BICC1: variants seen among roughly 807,000 people sequenced by gnomAD.
The protein encoded by BICC1 is BicC family RNA binding protein 1, also known as protein bicaudal C homolog 1.
A neutral mutation model predicts 111.0 loss-of-function variants in BICC1; 43 were observed. The observed-to-expected ratio is 0.39, with a 90% confidence interval of 0.30 to 0.50. The LOEUF is 0.50. BICC1 is among the 20% of genes least tolerant of loss of function. The probability of loss-of-function intolerance (pLI) is 0.88; values close to 1 mark genes in which losing one functional copy is unlikely to be tolerated. For missense variants in BICC1, 1,091 were observed against 1,203.2 expected (o/e 0.91, Z 1.38); for synonymous variants, 467 against 434.4 (o/e 1.07, Z -0.93).
At chr10:58,707,494 A>G (rs1296390108) in intron 3 of BICC1, among the ~76,000 whole-genome samples, 1 of 152,098 alleles carries the variant, frequency 6.6e-6, no homozygotes, top group Non-Finnish European at 1.5e-5. Context: ...TAGGTTAAAA[A>G]AAAATAGAGT....
intron 2 of BICC1, among the ~76,000 whole-genome samples, chr10:58,670,419 C>T (rs887628079): frequency 6.6e-6 from 1 of 152,084 alleles, no homozygotes; most frequent in African/African-American, 2.4e-5. Flanking sequence ...CATTATCATC[C>T]TACGCCTTCC....
intron 3 of BICC1, among the ~76,000 whole-genome samples, chr10:58,763,479 A>G (rs964803137): frequency 6.6e-6 from 1 of 152,188 alleles, no homozygotes. Context: ...AGGAATTACT[A>G]TATTTGAAGG....
chr10:58,784,471 A>G (rs1423469064), intron 3 of BICC1, among the ~76,000 whole-genome samples: 1 of 152,178 alleles, frequency 6.6e-6, no homozygotes, highest in Non-Finnish European at 1.5e-5. Flanking sequence ...AAATGAAGTT[A>G]TTGCATAAAG....
chr10:58,680,258 C>T (rs1378739956), intron 2 of BICC1, among the ~76,000 whole-genome samples: 1 of 151,484 alleles, frequency 6.6e-6, no homozygotes, highest in African/African-American at 2.4e-5. Context: ...AGATGACATG[C>T]CTGTATATGT....
At chr10:58,756,626 CTTTTTTTTTTTTTTTTTTTTTT>C (rs66709538) in intron 3 of BICC1, among the ~76,000 whole-genome samples, 98 of 135,870 alleles carry the variant, frequency 7.2e-4, no homozygotes, top group Middle Eastern at 3.8e-3. Flanking sequence ...AACTACTAGC[CTTTTTTTTTTTTTTTTTTTTTT>C]TTTTTTTTTT....
chr10:58,823,953 A>ATTT, intron 20 of BICC1: 1 of 985,384 alleles, frequency 1.0e-6, no homozygotes, highest in Non-Finnish European at 1.2e-6. Context: ...GGAACTTGAA[A>ATTT]CAACAGCCAT....
chr10:58,517,655 G>C (rs1376904225), intron 1 of BICC1, among the ~76,000 whole-genome samples: 1 of 152,022 alleles, frequency 6.6e-6, no homozygotes, highest in East Asian at 1.9e-4. Context: ...AATAGCACAG[G>C]GCTGTGGGCC....
chr10:58,657,727 T>C (rs1235646122), intron 2 of BICC1, among the ~76,000 whole-genome samples: 1 of 152,216 alleles, frequency 6.6e-6, no homozygotes, highest in African/African-American at 2.4e-5. Flanking sequence ...CTTTTGAATT[T>C]GCTTTTAACT....
rs1842710347 is a variant in BICC1 at position 58,774,949 on chromosome 10, A to G, written c.308-10052A>G. Among the ~76,000 whole-genome samples, 3 of 152,344 alleles carry G rather than the reference A, an allele frequency of 2.0e-5. No homozygotes were observed. The South Asian group carries it at 6.2e-4, about 32-fold the overall frequency. Reference sequence around the variant, plus strand: ...GTATGGGAAGAAATTTCAGAAGATCATCTTTCTTGTTAGAAAGGATAGGAC... The same window carrying G: ...GTATGGGAAGAAATTTCAGAAGATCGTCTTTCTTGTTAGAAAGGATAGGAC... On this transcript the variant is annotated intron_variant, in intron 3 of 20. Coordinates refer to ENST00000373886, the MANE Select transcript of BICC1 (RefSeq NM_001080512.3).
At chr10:58,534,536 A>C (rs999885750) in intron 1 of BICC1, among the ~76,000 whole-genome samples, 3 of 151,730 alleles carry the variant, frequency 2.0e-5, no homozygotes, top group African/African-American at 7.2e-5. Context: ...GGTGACAATA[A>C]ATTATAAACA....
At chr10:58,803,043 G>C (rs781710009) in intron 14 of BICC1, 34 bp from the exon 15 acceptor site, 6 of 1,543,898 alleles carry the variant, frequency 3.9e-6, no homozygotes, top group Admixed American at 2.0e-5. Context: ...TGTATATATA[G>C]TGGAGTGTTA....
chr10:58,775,150 A>G (rs1842715629), intron 3 of BICC1, among the ~76,000 whole-genome samples: 2 of 152,128 alleles, frequency 1.3e-5, no homozygotes, highest in African/African-American at 4.8e-5. Flanking sequence ...AGCTGGGAGG[A>G]TCACTTAAGG....
intron 1 of BICC1, among the ~76,000 whole-genome samples, chr10:58,537,154 A>T (rs989761590): frequency 6.6e-6 from 1 of 151,920 alleles, no homozygotes; most frequent in African/African-American, 2.4e-5. Context: ...CAGAACTGGA[A>T]TCAATTCTAC....
intron 2 of BICC1, among the ~76,000 whole-genome samples, chr10:58,640,880 T>G (rs979079041): frequency 6.6e-6 from 1 of 152,144 alleles, no homozygotes; most frequent in African/African-American, 2.4e-5. Flanking sequence ...ACAAAATAAT[T>G]TTGAGGGACA....
chr10:58,667,886 TG>T (rs906314120), intron 2 of BICC1, among the ~76,000 whole-genome samples: 1 of 152,076 alleles, frequency 6.6e-6, no homozygotes, highest in African/African-American at 2.4e-5. Flanking sequence ...AAATGTTAAA[TG>T]GGGAGCATGC....
At chr10:58,792,180 A>G (rs1226844534) in intron 8 of BICC1, among the ~76,000 whole-genome samples, 1 of 152,178 alleles carries the variant, frequency 6.6e-6, no homozygotes, top group Non-Finnish European at 1.5e-5. Context: ...CTAACACTGG[A>G]AATTCTGTGC....
At chr10:58,621,981 G>A (rs568513174) in intron 2 of BICC1, among the ~76,000 whole-genome samples, 1 of 110,316 alleles carries the variant, frequency 9.1e-6, no homozygotes, top group South Asian at 3.2e-4. Flanking sequence ...ATCCAGCCTG[G>A]GCAACATGGA....
chr10:58,602,209 C>T (rs920260), intron 1 of BICC1, among the ~76,000 whole-genome samples: 117,367 of 152,062 alleles, frequency 0.77, 45,732 homozygotes, highest in East Asian at 0.98. Context: ...CACTATGCAA[C>T]TGTAGCAGAT....
intron 2 of BICC1, among the ~76,000 whole-genome samples, chr10:58,699,339 A>AGT (rs1840160263): frequency 6.6e-6 from 1 of 152,126 alleles, no homozygotes; most frequent in South Asian, 2.1e-4. Context: ...GCTTAGAGGG[A>AGT]GTGTGTATAA....
Sources: allele counts gnomAD v4.1 joint callset (sites outside exome capture counted in the v4.1 genomes callset), GRCh38; gene constraint gnomAD v4.1.1; transcripts MANE v1.5; gene names NCBI Gene and HGNC (gene_info 2026-07-23, HGNC 2026-07-21).